ARHGEF28: variants seen among roughly 807,000 people sequenced by gnomAD.
The protein encoded by ARHGEF28 is Rho guanine nucleotide exchange factor 28.
A neutral mutation model predicts 206.6 loss-of-function variants in ARHGEF28; 152 were observed. The ratio of observed to expected loss-of-function variants is 0.74; its 90% CI spans 0.64 to 0.84. The LOEUF (loss-of-function observed/expected upper bound fraction) is 0.84. Among genes scored for constraint, ARHGEF28 ranks in the 40% least tolerant of loss-of-function variants. The pLI is 0.00. For missense variants in ARHGEF28, 2,028 were observed against 2,073.2 expected (o/e 0.98, Z 0.42); for synonymous variants, 763 against 776.4 (o/e 0.98, Z 0.29).
chr5:73,858,857 G>A (rs972244765), intron 16 of ARHGEF28, among the ~76,000 whole-genome samples: 2 of 152,164 alleles, frequency 1.3e-5, no homozygotes, highest in Non-Finnish European at 2.9e-5. Context: ...GTCCTTAAGT[G>A]CTTACAATGA....
intron 1 of ARHGEF28, among the ~76,000 whole-genome samples, chr5:73,653,169 C>T (rs1012056408): frequency 6.6e-6 from 1 of 152,160 alleles, no homozygotes; most frequent in African/African-American, 2.4e-5. Flanking sequence ...TCCAAGTGTG[C>T]ATGACTGTTT....
At chr5:73,861,866 G>A (rs144957467) in intron 16 of ARHGEF28, among the ~76,000 whole-genome samples, 6 of 152,076 alleles carry the variant, frequency 3.9e-5, no homozygotes, top group Non-Finnish European at 5.9e-5. Context: ...ACTTTTTGGC[G>A]GGGGGAGAGG....
At chr5:73,671,707 TATATATATATATATATATATATATATATA>T (rs2112216229) in intron 1 of ARHGEF28, among the ~76,000 whole-genome samples, 3 of 10,858 alleles carry the variant, frequency 2.8e-4, no homozygotes, top group Non-Finnish European at 6.4e-4. Flanking sequence ...TATATATATA[TATATATATATATATATATATATATATATA>T]TATTTTTTTT....
intron 10 of ARHGEF28, among the ~76,000 whole-genome samples, chr5:73,840,181 A>G (rs529103786): frequency 6.6e-6 from 1 of 152,316 alleles, no homozygotes; most frequent in African/African-American, 2.4e-5. Flanking sequence ...CACTGGCGCA[A>G]TCGCTACTCA....
chr5:73,771,145 T>C (rs1401841476), intron 4 of ARHGEF28, among the ~76,000 whole-genome samples: 1 of 152,242 alleles, frequency 6.6e-6, no homozygotes, highest in Non-Finnish European at 1.5e-5. Flanking sequence ...ACAAAAGGTT[T>C]AGATGTTCCC....
chr5:73,863,598 A>T (rs1270673685), intron 16 of ARHGEF28, among the ~76,000 whole-genome samples: 1 of 151,064 alleles, frequency 6.6e-6, no homozygotes, highest in African/African-American at 2.4e-5. Flanking sequence ...TTCTCCCTCC[A>T]TGCACTTTCA....
chr5:73,888,987 G>A (rs1178936831), intron 26 of ARHGEF28, among the ~76,000 whole-genome samples: 3 of 152,196 alleles, frequency 2.0e-5, no homozygotes, highest in Non-Finnish European at 4.4e-5. Context: ...GGTGGTATCA[G>A]AGAGCAAAAG....
intron 2 of ARHGEF28, among the ~76,000 whole-genome samples, chr5:73,741,619 C>T (rs1374367577): frequency 6.8e-6 from 1 of 148,074 alleles, no homozygotes; most frequent in African/African-American, 2.5e-5. Flanking sequence ...TGGGGTTTCA[C>T]CATGTTGGCC....
At position 73,885,834 on chromosome 5, in the gene ARHGEF28, T is replaced by A; in HGVS notation, c.3056-16T>A. The A allele has an allele frequency of 6.3e-7, 1 of 1,592,106 alleles. No homozygotes were observed. The highest frequency in any genetic ancestry group is 8.5e-7 in the Non-Finnish European group (1 of 1,172,182). On this transcript the variant is annotated splice_polypyrimidine_tract_variant and intron_variant, in intron 24 of 35. Transcript: ENST00000513042. The stretch of plus-strand genomic sequence containing the variant: ...TGTATAGTATTTTTGTTTGTTTGTT[T>A]CTTTTTCCCACGCAGAAAGAACTGA...
chr5:73,722,178 G>T (rs114580567), intron 2 of ARHGEF28, among the ~76,000 whole-genome samples: 13 of 151,892 alleles, frequency 8.6e-5, no homozygotes, highest in African/African-American at 2.7e-4. Flanking sequence ...AAGATTCGTC[G>T]TGAATATGTA....
chr5:73,789,481 A>C (rs1038706747), intron 7 of ARHGEF28, among the ~76,000 whole-genome samples: 1 of 152,070 alleles, frequency 6.6e-6, no homozygotes, highest in Admixed American at 6.5e-5. Flanking sequence ...AAATATCCTA[A>C]AATTGATTAT....
chr5:73,918,813 G>A (rs983864752), intron 35 of ARHGEF28, among the ~76,000 whole-genome samples: 2 of 152,164 alleles, frequency 1.3e-5, no homozygotes, highest in Non-Finnish European at 2.9e-5. Flanking sequence ...AGCTGGCTAT[G>A]CATCAGAGTT....
At chr5:73,923,146 A>G (rs1436712073) in intron 35 of ARHGEF28, 1 of 1,535,910 alleles carries the variant, frequency 6.5e-7, no homozygotes, top group South Asian at 1.2e-5. Context: ...GTGGACTGGA[A>G]CCACATCTAC....
chr5:73,834,079 G>A lies in ARHGEF28; in HGVS notation c.1146+1620G>A, dbSNP rs562074369. On this transcript the variant is annotated intron_variant, in intron 10 of 35. Transcript: ENST00000513042. Reference sequence around the variant, plus strand: ...TTTATTAAGGTATAATGAACAAATAGAAATTATATATATTTAAAGAATACA... The same window carrying A: ...TTTATTAAGGTATAATGAACAAATAAAAATTATATATATTTAAAGAATACA... Among the ~76,000 whole-genome samples, 4 of 152,126 alleles carry A rather than the reference G, an allele frequency of 2.6e-5. No homozygotes were observed. The South Asian group carries it at 8.3e-4, about 32-fold the overall frequency.
chr5:73,789,987 C>T (rs959674448), intron 7 of ARHGEF28, among the ~76,000 whole-genome samples: 1 of 152,104 alleles, frequency 6.6e-6, no homozygotes, highest in Non-Finnish European at 1.5e-5. Flanking sequence ...AGACTGTTGG[C>T]CACAAAACCA....
chr5:73,844,839 G>C (rs1281272706), intron 11 of ARHGEF28, among the ~76,000 whole-genome samples: 2 of 149,540 alleles, frequency 1.3e-5, no homozygotes, highest in Admixed American at 1.3e-4. Flanking sequence ...CAGGAAAGCT[G>C]TTGGCCTCCA....
chr5:73,721,858 G>A (rs1003281379), intron 2 of ARHGEF28, among the ~76,000 whole-genome samples: 2 of 152,190 alleles, frequency 1.3e-5, no homozygotes, highest in Admixed American at 6.5e-5. Context: ...CTTTGCATGG[G>A]AACTATTTAG....
chr5:73,924,982 A>T lies in ARHGEF28; in HGVS notation c.4948+13407A>T, dbSNP rs111318698. Among the ~76,000 whole-genome samples the T allele has an allele frequency of 3.6e-3, 543 of 152,344 alleles. 10 individuals are homozygous for T. The highest frequency in any genetic ancestry group is 0.013 in the African/African-American group (522 of 41,582). ...AAGACATTTTTCCTCCCTTTGGAAC[A>T]GTTGAAATTCAAATGACATATCCTA... is the stretch of plus-strand genomic sequence containing the variant. On this transcript the variant is annotated intron_variant, in intron 35 of 35. Coordinates refer to ENST00000513042, the MANE Select transcript of ARHGEF28 (RefSeq NM_001177693.2).
At chr5:73,633,688 C>T (rs766817354) in intron 1 of ARHGEF28, among the ~76,000 whole-genome samples, 44 of 151,196 alleles carry the variant, frequency 2.9e-4, no homozygotes, top group Middle Eastern at 3.5e-3. Flanking sequence ...GCAATTCTCC[C>T]GTCTCAGCCT....
Sources: allele counts gnomAD v4.1 joint callset (sites outside exome capture counted in the v4.1 genomes callset), GRCh38; gene constraint gnomAD v4.1.1; transcripts MANE v1.5; gene names NCBI Gene and HGNC (gene_info 2026-07-23, HGNC 2026-07-21).